The following CHD1 variants were observed in gnomAD, a reference collection of about 807,000 sequenced individuals.
CHD1 encodes the protein chromodomain helicase DNA binding protein 1, also known as ATP-dependent chromatin remodeler CHD1.
Under a neutral mutation model 224.2 loss-of-function variants are expected in CHD1, and 36 were observed. The ratio of observed to expected loss-of-function variants is 0.16; its 90% CI spans 0.12 to 0.21. The LOEUF is 0.21. CHD1 is among the 10% of genes least tolerant of loss of function. CHD1 has a pLI of 1.00. For synonymous variants in CHD1, 668 were observed against 658.3 expected (o/e 1.01, Z -0.23); for missense variants, 1,378 against 1,994.8 (o/e 0.69, Z 5.89).
In CHD1 at chr5:98,881,579, A is replaced by G. The variant is rs148379067; in HGVS notation, c.2868-204T>C. ...GGCTGAAGTGCACTGGCACAATCTT[A>G]GCTCACTGCAACCTCCGCCTCCCGG... On this transcript the variant is annotated intron_variant, in intron 20 of 35. Coordinates refer to ENST00000614616, the MANE Select transcript of CHD1 (RefSeq NM_001270.4). 2.5e-3 allele frequency among the ~76,000 whole-genome samples: 378 copies of G among 150,544 alleles called. 2 individuals are homozygous for G. The highest frequency in any genetic ancestry group is 8.7e-3 in the African/African-American group (355 of 40,936).
At chr5:98,917,588 C>T (rs1367003106) in intron 2 of CHD1, among the ~76,000 whole-genome samples, 1 of 152,186 alleles carries the variant, frequency 6.6e-6, no homozygotes, top group East Asian at 1.9e-4. Context: ...AACAGTGGAA[C>T]TGAGAAATAG....
chr5:98,925,833 T>C (rs1185843309), intron 2 of CHD1, among the ~76,000 whole-genome samples: 1 of 151,338 alleles, frequency 6.6e-6, no homozygotes, highest in Non-Finnish European at 1.5e-5. Context: ...CCACATGTGA[T>C]TATTCAGCAC....
At chr5:98,868,798 T>C in intron 30 of CHD1, 163 bp from the exon 31 acceptor site, 1 of 756,296 alleles carries the variant, frequency 1.3e-6, no homozygotes, top group Non-Finnish European at 2.0e-6. Flanking sequence ...CCCAATTTTA[T>C]TTGGGGAAAC....
intron 18 of CHD1, among the ~76,000 whole-genome samples, chr5:98,884,668 A>T (rs1004961986): frequency 4.0e-5 from 6 of 151,732 alleles, no homozygotes; most frequent in Non-Finnish European, 5.9e-5. Flanking sequence ...AATAAAAAAA[A>T]TTTTTTTTAA....
intron 2 of CHD1, among the ~76,000 whole-genome samples, chr5:98,911,555 A>AT (rs1752424398): frequency 6.6e-6 from 1 of 152,234 alleles, no homozygotes; most frequent in Non-Finnish European, 1.5e-5. Context: ...TAACAGATGA[A>AT]TTAGAAATCA....
Position 98,879,733 on chromosome 5 carries a change from T to C in CHD1, c.3061-5A>G. 6.4e-7 allele frequency: 1 copy of C among 1,569,176 alleles called. No homozygotes were observed. On this transcript the variant is annotated splice_region_variant and splice_polypyrimidine_tract_variant and intron_variant, in intron 22 of 35. Coordinates refer to ENST00000614616, the MANE Select transcript of CHD1 (RefSeq NM_001270.4). Reference sequence around the variant, plus strand: ...CATATTTGAGAAGTTGGCAACCTGATAAATTTCAGAATTTTAAGAGTAACT... The same window carrying C: ...CATATTTGAGAAGTTGGCAACCTGACAAATTTCAGAATTTTAAGAGTAACT...
At chr5:98,924,875 G>A (rs1437774728) in intron 2 of CHD1, among the ~76,000 whole-genome samples, 1 of 151,978 alleles carries the variant, frequency 6.6e-6, no homozygotes, top group East Asian at 1.9e-4. Flanking sequence ...CTACTCCGGA[G>A]GCTGAGGTAG....
chr5:98,884,228 T>C (rs1436899033), intron 18 of CHD1, among the ~76,000 whole-genome samples: 6 of 151,696 alleles, frequency 4.0e-5, no homozygotes, highest in Non-Finnish European at 5.9e-5. Flanking sequence ...CGCCCGCCAC[T>C]ACGCCCAGCT....
At chr5:98,884,714 T>C (rs1446840593) in intron 18 of CHD1, among the ~76,000 whole-genome samples, 5 of 151,434 alleles carry the variant, frequency 3.3e-5, no homozygotes, top group African/African-American at 2.4e-5. Context: ...TTGGGTTTTT[T>C]CTTTCCCTTT....
intron 5 of CHD1, 84 bp downstream of exon 5, chr5:98,902,816 T>C: frequency 1.2e-6 from 1 of 835,186 alleles, no homozygotes; most frequent in Non-Finnish European, 1.9e-6. Context: ...AGTCTCCTTT[T>C]GGCAACAATT....
intron 12 of CHD1, 58 bp downstream of exon 12, chr5:98,896,168 C>T (rs1561522256): frequency 7.0e-7 from 1 of 1,431,760 alleles, no homozygotes; most frequent in Non-Finnish European, 9.8e-7. Context: ...ACAACAAAAA[C>T]ACTTGATCTC....
At chr5:98,867,263 C>T (rs961038234) in intron 31 of CHD1, among the ~76,000 whole-genome samples, 8 of 152,058 alleles carry the variant, frequency 5.3e-5, no homozygotes, top group South Asian at 2.1e-4. Flanking sequence ...CTTTGAGGAA[C>T]GCAAAGGCAT....
chr5:98,884,531 G>C (rs1372467482), intron 18 of CHD1, among the ~76,000 whole-genome samples: 2 of 152,032 alleles, frequency 1.3e-5, no homozygotes. Flanking sequence ...GGGGGTGAGC[G>C]ATAAAAGACT....
Position 98,928,640 on chromosome 5 carries a change from G to C in CHD1, c.-250C>G, listed in dbSNP as rs1157275944. ...CCCAGTCCTAGGGCTCCGGCGTCTC[G>C]GGGTAAGCAAGAGTCCGTGCGGGGG... On this transcript the variant is annotated 5_prime_UTR_variant, in exon 1 of 36. Coordinates refer to ENST00000614616, the MANE Select transcript of CHD1 (RefSeq NM_001270.4). The C allele has an allele frequency of 2.6e-5, 4 of 152,324 alleles. No individual in the cohort carries two copies. Among genetic ancestry groups the C allele is most frequent in the African/African-American group, 9.7e-5 (4 of 41,446 alleles). The allele number at this position is 152,324 out of a possible 1,614,324, so 9.4% of individuals were successfully genotyped here. A position where few individuals can be genotyped will look rare whatever the true frequency, so the allele number is the denominator to read the frequency against.
At chr5:98,899,988 G>A (rs1032305535) in intron 7 of CHD1, among the ~76,000 whole-genome samples, 3 of 152,032 alleles carry the variant, frequency 2.0e-5, no homozygotes, top group Admixed American at 6.6e-5. Flanking sequence ...TATATGAAAC[G>A]TGGTCAGCTG....
In CHD1 at chr5:98,877,622, C is replaced by T. The variant is rs555359355; in HGVS notation, c.3238-1064G>A. Among the ~76,000 whole-genome samples the T allele has an allele frequency of 3.2e-4, 49 of 152,220 alleles. No homozygotes were observed. The South Asian group carries it at 7.1e-3, about 22-fold the overall frequency. ...TTTTCCAAAGCCTTGGCACATATTC[C>T]GAACCTCTAATATGCTGAAAGTTAA... On this transcript the variant is annotated intron_variant, in intron 23 of 35. Transcript: ENST00000614616.
chr5:98,864,418 G>C (rs1283941966), intron 31 of CHD1, among the ~76,000 whole-genome samples: 2 of 149,912 alleles, frequency 1.3e-5, no homozygotes, highest in African/African-American at 4.9e-5. Flanking sequence ...GGTGGCTCAG[G>C]CCTGTAACCC....
At chr5:98,911,146 A>ATCTATATATATATATATATATATATATAT (rs1554081078) in intron 2 of CHD1, among the ~76,000 whole-genome samples, 5 of 39,132 alleles carry the variant, frequency 1.3e-4, no homozygotes, top group South Asian at 1.1e-3. Context: ...AAAAAAAAAA[A>ATCTATATATATATATATATATATATATAT]ATATATATAT....
At chr5:98,859,122 T>C (rs1748272468) in intron 33 of CHD1, 107 bp from the exon 34 acceptor site, 2 of 794,268 alleles carry the variant, frequency 2.5e-6, no homozygotes, top group African/African-American at 1.8e-5. Flanking sequence ...TCACACAAGA[T>C]ATTAGAATGT....
Sources: gnomAD v4.1 joint callset for allele counts (sites outside exome capture counted in the v4.1 genomes callset) on GRCh38, gnomAD v4.1.1 for gene constraint, MANE v1.5 for transcripts, NCBI Gene and HGNC (gene_info 2026-07-23, HGNC 2026-07-21) for gene names.